Variants in TXLNA observed in about 807,000 individuals in gnomAD.
The protein encoded by TXLNA is taxilin alpha.
In TXLNA, 9 loss-of-function variants were observed where a neutral mutation model predicts 61.4. The observed-to-expected ratio is 0.15, with a 90% CI of 0.09 to 0.26. The LOEUF is 0.26. Ranked by LOEUF, TXLNA falls within the 10% of genes least tolerant of loss-of-function variation. The pLI is 1.00. For missense variants in TXLNA, 565 were observed against 688.8 expected (o/e 0.82, Z 2.01); for synonymous variants, 257 against 267.7 (o/e 0.96, Z 0.39).
chr1:32,196,020 G>A lies in TXLNA; in HGVS notation c.*825G>A. Reference sequence around the variant, plus strand: ...TTTTCTTTTTTTTTTGCACATGACAGTGTTTGTATTGAGGACCTTCCAAGG... The same window carrying A: ...TTTTCTTTTTTTTTTGCACATGACAATGTTTGTATTGAGGACCTTCCAAGG... On this transcript the variant is annotated 3_prime_UTR_variant, in exon 11 of 11. Transcript: ENST00000373610. The A allele has an allele frequency of 5.3e-6, 1 of 188,030 alleles. No individual in the cohort carries two copies. Among genetic ancestry groups the A allele is most frequent in the South Asian group, 6.0e-5 (1 of 16,618 alleles). 11.6% of individuals were successfully genotyped at this position (188,030 alleles called of 1,614,324 possible). A position where few individuals can be genotyped will look rare whatever the true frequency, so the allele number is the denominator to read the frequency against.
intron 5 of TXLNA, among the ~76,000 whole-genome samples, chr1:32,188,606 A>G (rs1022254412): frequency 1.1e-4 from 17 of 151,960 alleles, no homozygotes; most frequent in African/African-American, 3.9e-4. Context: ...TCACTGCATT[A>G]CAGCCTGGGC....
chr1:32,192,793 G>C lies in TXLNA; in HGVS notation c.1158+62G>C, dbSNP rs1390583226. Reference sequence around the variant, plus strand: ...TCCCTCACTGGGCCCCATCCTGGGGGTAGTGAAATGGGACCCTCATTCTAG... The same window carrying C: ...TCCCTCACTGGGCCCCATCCTGGGGCTAGTGAAATGGGACCCTCATTCTAG... On this transcript the variant is annotated intron_variant, in intron 8 of 10. Coordinates refer to ENST00000373610, the MANE Select transcript of TXLNA (RefSeq NM_175852.4). This position sits in a 1 kb window ranked among gnomAD's most constrained non-coding sequence, Gnocchi z 4.2. 8 of 1,541,974 alleles carry C rather than the reference G, an allele frequency of 5.2e-6. No individual in the cohort carries two copies. The Admixed American group carries it at 1.3e-4, about 26-fold the overall frequency.
intron 5 of TXLNA, among the ~76,000 whole-genome samples, chr1:32,189,777 G>T (rs1376235183): frequency 6.6e-6 from 1 of 151,994 alleles, no homozygotes; most frequent in Admixed American, 6.6e-5. Context: ...TCCTGACCTC[G>T]TGATCCGCCC....
intron 8 of TXLNA, 89 bp from the exon 9 acceptor site, chr1:32,193,119 T>A (rs543762263): frequency 1.2e-6 from 1 of 824,300 alleles, no homozygotes; most frequent in African/African-American, 1.7e-5. Flanking sequence ...GAATTACTGG[T>A]CAGAGAGTCA....
intron 2 of TXLNA, among the ~76,000 whole-genome samples, 174 bp downstream of exon 2, chr1:32,180,688 C>T (rs1041125227): frequency 6.6e-6 from 1 of 152,274 alleles, no homozygotes; most frequent in African/African-American, 2.4e-5. Context: ...GAGCTGCCCC[C>T]TCTAAGCACA....
At position 32,197,805 on chromosome 1, in the gene TXLNA, C is replaced by T. The variant is rs1032484316; in HGVS notation, c.*2610C>T. The T allele has an allele frequency of 3.3e-5, 5 of 152,116 alleles. No individual in the cohort carries two copies. Among genetic ancestry groups the T allele is most frequent in the Non-Finnish European group, 7.3e-5 (5 of 68,050 alleles). 9.4% of individuals were successfully genotyped at this position (152,116 alleles called of 1,614,324 possible). A position where few individuals can be genotyped will look rare whatever the true frequency, so the allele number is the denominator to read the frequency against. Reference sequence around the variant, plus strand: ...ATGTCCACCAGATTCTGAGAGGTGTCAGCAGCACTTTTTTTTTTTATTTGT... The same window carrying T: ...ATGTCCACCAGATTCTGAGAGGTGTTAGCAGCACTTTTTTTTTTTATTTGT... On this transcript the variant is annotated 3_prime_UTR_variant, in exon 11 of 11. Transcript: ENST00000373610. The surrounding 1 kb of genome is among the most constrained non-coding windows in gnomAD (Gnocchi z 4.6).
intron 5 of TXLNA, among the ~76,000 whole-genome samples, chr1:32,189,779 G>A (rs978527776): frequency 6.6e-6 from 1 of 152,102 alleles, no homozygotes; most frequent in Non-Finnish European, 1.5e-5. Context: ...CTGACCTCGT[G>A]ATCCGCCCAC....
intron 1 of TXLNA, 103 bp from the exon 2 acceptor site, chr1:32,180,211 C>T: frequency 1.6e-6 from 2 of 1,247,170 alleles, no homozygotes; most frequent in African/African-American, 1.5e-5. Flanking sequence ...GCCTGCCGGT[C>T]CGTTTATTTT....
At chr1:32,193,187 T>G in intron 8 of TXLNA, 21 bp from the exon 9 acceptor site, 1 of 1,582,732 alleles carries the variant, frequency 6.3e-7, no homozygotes, top group Non-Finnish European at 8.7e-7. Flanking sequence ...GTCTTATCTG[T>G]GGGCTGCTTT....
chr1:32,181,452 C>T lies in TXLNA; in HGVS notation c.380C>T (p.Pro127Leu). 3 of 1,614,092 alleles carry T rather than the reference C, an allele frequency of 1.9e-6. No individual in the cohort carries two copies. The highest frequency in any genetic ancestry group is 2.2e-5 in the East Asian group (1 of 44,884). ...VARNGEPEPTPVVNGEKEPSK... is the reference protein window; with the variant it reads ...VARNGEPEPTLVVNGEKEPSK... ...AGGAATGGGGAGCCTGAACCAACTC[C>T]AGTAGTCAATGGAGAGAAGGAACCC... The change falls in exon 3 of 11, where the codon CCA (proline) becomes CTA (leucine). Residue 127 changes from proline (P) to leucine (L), a missense_variant. Coordinates refer to ENST00000373610, the MANE Select transcript of TXLNA (RefSeq NM_175852.4).
intron 6 of TXLNA, 122 bp downstream of exon 6, chr1:32,190,371 C>T: frequency 2.2e-6 from 2 of 901,698 alleles, no homozygotes; most frequent in South Asian, 2.1e-5. Context: ...CCTCCTCCTC[C>T]TTGGGAGGAG....
intron 4 of TXLNA, among the ~76,000 whole-genome samples, chr1:32,187,233 T>G (rs1392096811): frequency 1.3e-5 from 2 of 152,252 alleles, no homozygotes; most frequent in East Asian, 3.8e-4. Flanking sequence ...GTGTTGAAAT[T>G]GTAATGTTTT....
chr1:32,192,857 G>A lies in TXLNA; in HGVS notation c.1158+126G>A. The A allele has an allele frequency of 1.0e-6, 1 of 973,350 alleles. No individual in the cohort carries two copies. The highest frequency in any genetic ancestry group is 1.6e-6 in the Non-Finnish European group (1 of 638,072). The allele number at this position is 973,350 out of a possible 1,614,324, so 60.3% of individuals were successfully genotyped here. A position where few individuals can be genotyped will look rare whatever the true frequency, so the allele number is the denominator to read the frequency against. On this transcript the variant is annotated intron_variant, in intron 8 of 10. Transcript: ENST00000373610. This position sits in a 1 kb window ranked among gnomAD's most constrained non-coding sequence, Gnocchi z 4.2. ...CTGGCTGCTATGACGCCTTGGTTGA[G>A]CCTTTGTTCTCTCCGGACCTGCACA... is the stretch of plus-strand genomic sequence containing the variant.
chr1:32,180,182 G>T, intron 1 of TXLNA, 132 bp from the exon 2 acceptor site: 1 of 961,200 alleles, frequency 1.0e-6, no homozygotes, highest in Non-Finnish European at 1.5e-6. Flanking sequence ...CCAGAGAGCC[G>T]TTGGCGCCCT....
At position 32,197,908 on chromosome 1, in the gene TXLNA, A is replaced by T. The variant is rs573735444; in HGVS notation, c.*2713A>T. 6.6e-6 allele frequency: 1 copy of T among 152,258 alleles called. No homozygotes were observed. The highest frequency in any genetic ancestry group is 2.4e-5 in the African/African-American group (1 of 41,540). The allele number at this position is 152,258 out of a possible 1,614,324, so 9.4% of individuals were successfully genotyped here. On this transcript the variant is annotated 3_prime_UTR_variant, in exon 11 of 11. Coordinates refer to ENST00000373610, the MANE Select transcript of TXLNA (RefSeq NM_175852.4). This position sits in a 1 kb window ranked among gnomAD's most constrained non-coding sequence, Gnocchi z 4.6. ...GTAGGAGACTGTTATTTCTGTAAAG[A>T]TGGTTATTTAACCCTCCTCCACCCC...
At chr1:32,188,238 C>A in intron 5 of TXLNA, 114 bp downstream of exon 5, 1 of 1,105,960 alleles carries the variant, frequency 9.0e-7, no homozygotes, top group Non-Finnish European at 1.2e-6. Context: ...GGCGCAGTGG[C>A]ACACATAAGT....
In TXLNA at chr1:32,192,054, T is replaced by C. The variant is rs2124159631; in HGVS notation, c.964-257T>C. On this transcript the variant is annotated intron_variant, in intron 6 of 10. Transcript: ENST00000373610. This position sits in a 1 kb window ranked among gnomAD's most constrained non-coding sequence, Gnocchi z 4.2. The stretch of plus-strand genomic sequence containing the variant: ...GGGGTCAGAGATTTGAGTGTGTTTA[T>C]TGCTTGCCTTCTTGGGAGCAGATTC... Among the ~76,000 whole-genome samples, 1 of 152,374 alleles carries C rather than the reference T, an allele frequency of 6.6e-6. No individual in the cohort carries two copies. Among genetic ancestry groups the C allele is most frequent in the South Asian group, 2.1e-4 (1 of 4,828 alleles).
chr1:32,181,209 T>G, intron 2 of TXLNA, 33 bp from the exon 3 acceptor site: 1 of 1,494,178 alleles, frequency 6.7e-7, no homozygotes, highest in Middle Eastern at 2.0e-4. Flanking sequence ...TCGTCTTCTT[T>G]CTCACTCTAC....
rs745807376 is a variant in TXLNA at position 32,192,660 on chromosome 1, C to T, written c.1087C>T (p.Leu363=). ...ERHQREKDFL[L]KEAVESQRMC... ...TGGGGTTCTGTCTTGGAAATAGCTC[C>T]TGAAAGAGGCAGTAGAGTCCCAGAG... is the stretch of plus-strand genomic sequence containing the variant. Residue 363 remains leucine (L), a synonymous_variant, in exon 8 of 11, where the codon CTG becomes TTG. Coordinates refer to ENST00000373610, the MANE Select transcript of TXLNA (RefSeq NM_175852.4). This position sits in a 1 kb window ranked among gnomAD's most constrained non-coding sequence, Gnocchi z 4.2. 6.2e-7 allele frequency: 1 copy of T among 1,614,198 alleles called. No individual in the cohort carries two copies. The highest frequency in any genetic ancestry group is 1.7e-5 in the Admixed American group (1 of 60,030).
Sources: allele counts gnomAD v4.1 joint callset (sites outside exome capture counted in the v4.1 genomes callset), GRCh38; gene constraint gnomAD v4.1.1; non-coding constraint Gnocchi (gnomAD v3.1); transcripts MANE v1.5; gene names NCBI Gene and HGNC (gene_info 2026-07-23, HGNC 2026-07-21).